The following BCL11B variants were observed in gnomAD, a reference collection of about 807,000 sequenced individuals.
BCL11B encodes BCL11 transcription factor B.
Under a neutral mutation model 49.9 loss-of-function variants are expected in BCL11B, and 8 were observed. The observed-to-expected ratio is 0.16, with a 90% confidence interval of 0.09 to 0.29. BCL11B has a LOEUF of 0.29. BCL11B is among the 10% of genes least tolerant of loss of function. BCL11B has a pLI of 1.00. For synonymous variants in BCL11B, 739 were observed against 637.4 expected (o/e 1.16, Z -2.40); for missense variants, 1,006 against 1,351.0 (o/e 0.74, Z 4.00).
rs1888878709 is a variant in BCL11B, at chr14:99,247,384, T to C, written c.427+10087A>G. Among the ~76,000 whole-genome samples, 1 of 152,146 alleles carries C rather than the reference T, an allele frequency of 6.6e-6. No homozygotes were observed. Among genetic ancestry groups the C allele is most frequent in the African/African-American group, 2.4e-5 (1 of 41,426 alleles). On this transcript the variant is annotated intron_variant, in intron 2 of 3. Coordinates refer to ENST00000357195, the MANE Select transcript of BCL11B (RefSeq NM_138576.4). The surrounding 1 kb of genome is among the most constrained non-coding windows in gnomAD (Gnocchi z 4.5). ...ACTTAGTTTTGCTGGGTTTACCAAC[T>C]CCAACAGTTTTTAGCCAGCTGCTGA...
intron 2 of BCL11B, among the ~76,000 whole-genome samples, chr14:99,236,784 C>T (rs1888512992): frequency 6.6e-6 from 1 of 152,218 alleles, no homozygotes; most frequent in South Asian, 2.1e-4. Flanking sequence ...GCGCCCTCCA[C>T]CCATCCCAAC....
intron 3 of BCL11B, among the ~76,000 whole-genome samples, chr14:99,187,362 C>T (rs1303037553): frequency 6.6e-6 from 1 of 152,142 alleles, no homozygotes; most frequent in Non-Finnish European, 1.5e-5. Context: ...GTCCCGCCTT[C>T]GGATAAGGCA....
chr14:99,199,191 G>A (rs1887270176), intron 3 of BCL11B, among the ~76,000 whole-genome samples: 1 of 152,106 alleles, frequency 6.6e-6, no homozygotes, highest in Non-Finnish European at 1.5e-5. Flanking sequence ...AATAAAAACT[G>A]CTACAAACCG....
intron 3 of BCL11B, among the ~76,000 whole-genome samples, chr14:99,219,417 A>C (rs1887946178): frequency 6.6e-6 from 1 of 152,234 alleles, no homozygotes; most frequent in South Asian, 2.1e-4. Flanking sequence ...ACAGGACAAT[A>C]GAGAGAAAGC....
intron 3 of BCL11B, among the ~76,000 whole-genome samples, chr14:99,224,391 G>A (rs1325217399): frequency 2.6e-5 from 4 of 152,180 alleles, no homozygotes; most frequent in Admixed American, 6.5e-5. Context: ...GCGTTACAAC[G>A]ATGAGATGTC....
intron 2 of BCL11B, among the ~76,000 whole-genome samples, chr14:99,250,108 T>C (rs1324238777): frequency 1.4e-5 from 2 of 145,126 alleles, no homozygotes; most frequent in Non-Finnish European, 3.0e-5. Context: ...TGATCTCGGC[T>C]CACTGCAAGC....
At chr14:99,179,928 G>C (rs1330125870) in intron 3 of BCL11B, among the ~76,000 whole-genome samples, 1 of 152,204 alleles carries the variant, frequency 6.6e-6, no homozygotes, top group Non-Finnish European at 1.5e-5. Context: ...TCTTTGAAGA[G>C]CCACTCAGAA....
chr14:99,271,316 C>CCGCCGCTGT lies in BCL11B; in HGVS notation c.-99_-98insACAGCGGCG, dbSNP rs1889678749. On this transcript the variant is annotated 5_prime_UTR_variant, in exon 1 of 4. Transcript: ENST00000357195. Reference sequence around the variant, plus strand: ...CGCCGCCGCGCCGCTGCCGCCGCTGCCGCCGCCGCCGCCGCCGCCGCACCT... The same window carrying CCGCCGCTGT: ...CGCCGCCGCGCCGCTGCCGCCGCTGCCGCCGCTGTCGCCGCCGCCGCCGCCGCCGCACCT... 1.7e-6 allele frequency: 1 copy of CCGCCGCTGT among 596,932 alleles called. No individual in the cohort carries two copies. Among genetic ancestry groups the CCGCCGCTGT allele is most frequent in the Non-Finnish European group, 2.3e-6 (1 of 441,524 alleles). The allele number at this position is 596,932 out of a possible 1,614,324, so 37.0% of individuals were successfully genotyped here.
At chr14:99,268,509 G>A (rs980597771) in intron 1 of BCL11B, among the ~76,000 whole-genome samples, 1 of 152,146 alleles carries the variant, frequency 6.6e-6, no homozygotes, top group East Asian at 1.9e-4. Flanking sequence ...GACAGCACCC[G>A]CTTTGCCAGC....
chr14:99,180,910 A>G (rs1379736200), intron 3 of BCL11B, among the ~76,000 whole-genome samples: 2 of 152,186 alleles, frequency 1.3e-5, no homozygotes, highest in African/African-American at 4.8e-5. Flanking sequence ...ACCGACGTGC[A>G]GCTGGACTCC....
intron 3 of BCL11B, among the ~76,000 whole-genome samples, chr14:99,224,956 C>T (rs998449372): frequency 6.6e-6 from 1 of 152,192 alleles, no homozygotes; most frequent in Non-Finnish European, 1.5e-5. Context: ...TGTCAAAGCA[C>T]AACCCCAGAG....
chr14:99,248,651 A>G lies in BCL11B; in HGVS notation c.427+8820T>C, dbSNP rs1888916092. Among the ~76,000 whole-genome samples, 4 of 152,208 alleles carry G rather than the reference A, an allele frequency of 2.6e-5. No individual in the cohort carries two copies. The highest frequency in any genetic ancestry group is 9.6e-5 in the African/African-American group (4 of 41,454). On this transcript the variant is annotated intron_variant, in intron 2 of 3. Coordinates refer to ENST00000357195, the MANE Select transcript of BCL11B (RefSeq NM_138576.4). This position sits in a 1 kb window ranked among gnomAD's most constrained non-coding sequence, Gnocchi z 4.7. ...TGGGGCAGAAAGACCTAAGCTTTCA[A>G]TCTAACAGTTTTCATTTTCACCACC...
rs1298157960 is a variant in BCL11B, at chr14:99,174,247, G to A, written c.2589C>T (p.Phe863=). ...GTTTCTCCAGGGTGCTGTAGACGCT[G>A]AAGGGCATCTGGCAGATGTCGCAGC... ...VYRCDICQMP[F]SVYSTLEKHM... is the part of the protein sequence containing the mutation. The change falls in exon 4 of 4, where the codon TTC becomes TTT. Residue 863 remains phenylalanine, a synonymous_variant. Transcript: ENST00000357195. The A allele has an allele frequency of 3.1e-6, 5 of 1,613,824 alleles. No homozygotes were observed. Among genetic ancestry groups the A allele is most frequent in the African/African-American group, 1.3e-5 (1 of 74,940 alleles).
chr14:99,253,096 C>T (rs888212998), intron 2 of BCL11B, among the ~76,000 whole-genome samples: 7 of 152,200 alleles, frequency 4.6e-5, no homozygotes, highest in South Asian at 4.1e-4. Context: ...CTCAGCATAA[C>T]CCAAAAAGGA....
At chr14:99,255,876 A>C (rs1315319776) in intron 2 of BCL11B, among the ~76,000 whole-genome samples, 1 of 152,192 alleles carries the variant, frequency 6.6e-6, no homozygotes. Context: ...AGCCCCTTGC[A>C]TCTTGGAAAG....
intron 3 of BCL11B, among the ~76,000 whole-genome samples, chr14:99,199,009 G>A (rs1056538641): frequency 6.6e-6 from 1 of 152,032 alleles, no homozygotes; most frequent in South Asian, 2.1e-4. Context: ...GCGCGGGGCC[G>A]TTGTCCAAAA....
chr14:99,247,360 C>G lies in BCL11B; in HGVS notation c.427+10111G>C, dbSNP rs1399610742. Among the ~76,000 whole-genome samples the G allele has an allele frequency of 6.6e-6, 1 of 152,154 alleles. No homozygotes were observed. The highest frequency in any genetic ancestry group is 2.4e-5 in the African/African-American group (1 of 41,430). ...AGAACCCGCTCCAGCCCCAGGAAAA[C>G]TTAGTTTTGCTGGGTTTACCAACTC... On this transcript the variant is annotated intron_variant, in intron 2 of 3. Coordinates refer to ENST00000357195, the MANE Select transcript of BCL11B (RefSeq NM_138576.4). The surrounding 1 kb of genome is among the most constrained non-coding windows in gnomAD (Gnocchi z 4.5).
At chr14:99,269,960 G>A (rs1889611597) in intron 1 of BCL11B, among the ~76,000 whole-genome samples, 1 of 147,922 alleles carries the variant, frequency 6.8e-6, no homozygotes, top group Non-Finnish European at 1.5e-5. Flanking sequence ...GGAAATGTTC[G>A]CGCGCAGCGA....
intron 3 of BCL11B, among the ~76,000 whole-genome samples, chr14:99,208,919 A>G (rs1457218154): frequency 2.6e-5 from 4 of 152,224 alleles, no homozygotes; most frequent in African/African-American, 9.6e-5. Context: ...GCCAAGGCCA[A>G]CGTGGACATG....
Sources: allele counts gnomAD v4.1 joint callset (sites outside exome capture counted in the v4.1 genomes callset), GRCh38; gene constraint gnomAD v4.1.1; non-coding constraint Gnocchi (gnomAD v3.1); transcripts MANE v1.5; gene names NCBI Gene and HGNC (gene_info 2026-07-23, HGNC 2026-07-21).